PCDHGB7: variants seen among roughly 807,000 people sequenced by gnomAD.
PCDHGB7 encodes the protein protocadherin gamma subfamily B, 7.
PCDHGB7 carries 37 observed loss-of-function variants against 61.4 expected under a neutral mutation model. The ratio of observed to expected loss-of-function variants is 0.60; its 90% CI spans 0.46 to 0.79. PCDHGB7 has a LOEUF of 0.79. Ranked by LOEUF, PCDHGB7 falls within the 30% of genes least tolerant of loss-of-function variation. The pLI is 0.00. For synonymous variants in PCDHGB7, 464 were observed against 503.5 expected, an observed-to-expected ratio of 0.92 and a Z score of 1.05; for missense variants, 1,166 against 1,202.5, an observed-to-expected ratio of 0.97 and a Z score of 0.45.
At chr5:141,470,961 C>T (rs1447105252) in intron 1 of PCDHGB7, among the ~76,000 whole-genome samples, 1 of 152,036 alleles carries the variant, frequency 6.6e-6, no homozygotes, top group Non-Finnish European at 1.5e-5. Context: ...AAGTGATCCT[C>T]CCACCTCAGC....
At chr5:141,478,891 A>G (rs1045274228) in intron 1 of PCDHGB7, 10 of 1,122,064 alleles carry the variant, frequency 8.9e-6, no homozygotes, top group Admixed American at 3.1e-5. Context: ...TATCATTTAC[A>G]TTAGGAATAA....
At chr5:141,466,450 G>T (rs139024933) in intron 1 of PCDHGB7, among the ~76,000 whole-genome samples, 1 of 152,172 alleles carries the variant, frequency 6.6e-6, no homozygotes, top group Non-Finnish European at 1.5e-5. Context: ...TGTCTATGGT[G>T]TTGGCTATTG....
intron 2 of PCDHGB7, 179 bp downstream of exon 2, chr5:141,495,044 T>C (rs2099758475): frequency 1.1e-6 from 1 of 944,572 alleles, no homozygotes; most frequent in Non-Finnish European, 1.3e-6. Flanking sequence ...AAGAGGCGAC[T>C]GCCCTGACTG....
intron 1 of PCDHGB7, among the ~76,000 whole-genome samples, chr5:141,483,644 G>A (rs2099584188): frequency 6.8e-6 from 1 of 146,522 alleles, no homozygotes; most frequent in African/African-American, 2.7e-5. Context: ...AGAGGGGTGT[G>A]TGTTTGTGTG....
chr5:141,427,109 C>A lies in PCDHGB7; in HGVS notation c.2415+6835C>A, dbSNP rs141512367. On this transcript the variant is annotated intron_variant, in intron 1 of 3. Coordinates refer to ENST00000398594, the MANE Select transcript of PCDHGB7 (RefSeq NM_018927.4). ...AGGATGAGGGTGTCAATGCGGAGAT[C>A]ACCTACTCTTTCAAATCCCTACGAG... 1,737 of 457,784 alleles carry A rather than the reference C, an allele frequency of 3.8e-3. 17 individuals carry two copies. Among genetic ancestry groups the A allele is most frequent in the Admixed American group, 0.01 (426 of 42,600 alleles). 28.4% of individuals were successfully genotyped at this position (457,784 alleles called of 1,614,324 possible). A position where few individuals can be genotyped will look rare whatever the true frequency, so the allele number is the denominator to read the frequency against.
Position 141,448,073 on chromosome 5 carries a change from C to T in PCDHGB7, c.2415+27799C>T, listed in dbSNP as rs1025112556. ...TGCTCTCCAGCCTGGGCAACATGAA[C>T]GAAATGCCATCTTAAAAAAAAAAAA... On this transcript the variant is annotated intron_variant, in intron 1 of 3. Coordinates refer to ENST00000398594, the MANE Select transcript of PCDHGB7 (RefSeq NM_018927.4). 3.3e-5 allele frequency among the ~76,000 whole-genome samples: 5 copies of T among 151,432 alleles called. No individual in the cohort carries two copies. In the East Asian group the frequency reaches 5.8e-4, roughly 18 times the overall value.
At chr5:141,422,488 A>G in intron 1 of PCDHGB7, 1 of 1,614,000 alleles carries the variant, frequency 6.2e-7, no homozygotes, top group Non-Finnish European at 8.5e-7. Context: ...GAGCTACAAT[A>G]TAACGTTGAC....
chr5:141,485,338 T>C lies in PCDHGB7; in HGVS notation c.2416-9469T>C, dbSNP rs1259658641. The stretch of plus-strand genomic sequence containing the variant: ...ATGTCGCTCAAGATTTCCTGCTGGA[T>C]ACGGACAGTCTGTCAGCTCGCAGGC... On this transcript the variant is annotated intron_variant, in intron 1 of 3. Coordinates refer to ENST00000398594, the MANE Select transcript of PCDHGB7 (RefSeq NM_018927.4). The surrounding 1 kb of genome is among the most constrained non-coding windows in gnomAD (Gnocchi z 5.7). 1 of 1,614,140 alleles carries C rather than the reference T, an allele frequency of 6.2e-7. No individual in the cohort carries two copies. Among genetic ancestry groups the C allele is most frequent in the Non-Finnish European group, 8.5e-7 (1 of 1,180,006 alleles).
At chr5:141,428,400 G>C (rs373595231) in intron 1 of PCDHGB7, 4 of 483,290 alleles carry the variant, frequency 8.3e-6, no homozygotes, top group African/African-American at 2.0e-5. Flanking sequence ...CCTCTGCCTG[G>C]GGTTGCTTTC....
chr5:141,471,658 G>T (rs1354815239), intron 1 of PCDHGB7: 1 of 152,106 alleles, frequency 6.6e-6, no homozygotes, highest in Admixed American at 6.5e-5. Flanking sequence ...ATGTGGGGAT[G>T]CAGAAAAAAA....
intron 1 of PCDHGB7, among the ~76,000 whole-genome samples, chr5:141,438,678 G>C (rs2098050264): frequency 7.1e-6 from 1 of 140,560 alleles, no homozygotes; most frequent in African/African-American, 2.6e-5. Context: ...ATTTGGAGTA[G>C]GGGATGGAGT....
At position 141,477,263 on chromosome 5, in the gene PCDHGB7, G is replaced by C. The variant is rs543767777; in HGVS notation, c.2416-17544G>C. ...CAGTGTGACTGACCTGGATGCTGGC[G>C]AGAACGGGCTGGTGACCTGCGAAGT... On this transcript the variant is annotated intron_variant, in intron 1 of 3. Coordinates refer to ENST00000398594, the MANE Select transcript of PCDHGB7 (RefSeq NM_018927.4). The surrounding 1 kb of genome is among the most constrained non-coding windows in gnomAD (Gnocchi z 4.9). The C allele has an allele frequency of 6.2e-7, 1 of 1,614,192 alleles. No individual in the cohort carries two copies. The highest frequency in any genetic ancestry group is 1.3e-5 in the African/African-American group (1 of 75,058).
At chr5:141,473,205 A>G (rs370808895) in intron 1 of PCDHGB7, among the ~76,000 whole-genome samples, 1 of 152,036 alleles carries the variant, frequency 6.6e-6, no homozygotes, top group African/African-American at 2.4e-5. Flanking sequence ...CTTCTAAAAA[A>G]TGCTTACTTC....
chr5:141,488,113 T>C (rs1053996929), intron 1 of PCDHGB7, among the ~76,000 whole-genome samples: 1 of 152,084 alleles, frequency 6.6e-6, no homozygotes, highest in African/African-American at 2.4e-5. Flanking sequence ...ATTTGAAACA[T>C]AGAGACAGCA....
At chr5:141,469,951 T>G (rs1467717372) in intron 1 of PCDHGB7, among the ~76,000 whole-genome samples, 2 of 152,034 alleles carry the variant, frequency 1.3e-5, no homozygotes, top group African/African-American at 4.8e-5. Context: ...GCCAGCATGG[T>G]GAAACCCCAT....
chr5:141,433,812 G>A (rs535623556), intron 1 of PCDHGB7, among the ~76,000 whole-genome samples: 46 of 150,530 alleles, frequency 3.1e-4, no homozygotes, highest in African/African-American at 1.1e-3. Context: ...ACTCCAGCCT[G>A]GGCAACAAGA....
rs770685748 is a variant in PCDHGB7 at position 141,486,601 on chromosome 5, C to T, written c.2416-8206C>T. 9 of 1,613,558 alleles carry T rather than the reference C, an allele frequency of 5.6e-6. No homozygotes were observed. The highest frequency in any genetic ancestry group is 7.6e-6 in the Non-Finnish European group (9 of 1,180,024). On this transcript the variant is annotated intron_variant, in intron 1 of 3. Transcript: ENST00000398594. This position sits in a 1 kb window ranked among gnomAD's most constrained non-coding sequence, Gnocchi z 5.0. ...ATCGCCCAGGGGACCTGCTTTGCTC[C>T]CTTGCAGCCTCTGACCCAGACTCTG...
rs1317308437 is a variant in PCDHGB7, at chr5:141,418,492, A to G, written c.633A>G (p.Val211=). The G allele has an allele frequency of 1.9e-6, 3 of 1,613,886 alleles. No homozygotes were observed. The African/African-American group carries it at 4.0e-5, about 22-fold the overall frequency. Residue 211 remains valine, a synonymous_variant, in exon 1 of 4, where the codon GTA becomes GTG. Coordinates refer to ENST00000398594, the MANE Select transcript of PCDHGB7 (RefSeq NM_018927.4). The part of the protein sequence containing the change: ...DRETQSAHHL[V]LTALDGGDPP... ...AAACGCAGAGCGCTCACCACTTGGT[A>G]CTGACCGCCTTAGATGGTGGGGACC... is the stretch of plus-strand genomic sequence containing the variant.
chr5:141,417,931 G>T lies in PCDHGB7; in HGVS notation c.72G>T (p.Leu24Phe), dbSNP rs551432799. 6.8e-6 allele frequency: 11 copies of T among 1,611,382 alleles called. No individual in the cohort carries two copies. The highest frequency in any genetic ancestry group is 1.6e-4 in the Middle Eastern group (1 of 6,078). Residue 24 changes from leucine to phenylalanine, a missense_variant, in exon 1 of 4, where the codon TTG (leucine) becomes TTT (phenylalanine). Leu to Phe is a conservative substitution (Grantham distance 22, BLOSUM62 0). Transcript: ENST00000398594. Reference sequence around the variant, plus strand: ...TACTATTTCCTTTGCTGCTGCCTTTGTTCTACCCCACGCTGTGTGAGCCGA... The same window carrying T: ...TACTATTTCCTTTGCTGCTGCCTTTTTTCTACCCCACGCTGTGTGAGCCGA... ...RQVLFPLLLPLFYPTLCEPIR... is the reference protein window; with the variant it reads ...RQVLFPLLLPFFYPTLCEPIR...
Sources: allele counts gnomAD v4.1 joint callset (sites outside exome capture counted in the v4.1 genomes callset), GRCh38; gene constraint gnomAD v4.1.1; non-coding constraint Gnocchi (gnomAD v3.1); transcripts MANE v1.5; gene names NCBI Gene and HGNC (gene_info 2026-07-23, HGNC 2026-07-21).